Variants in ZBTB1 observed in about 807,000 individuals in gnomAD.
ZBTB1 encodes zinc finger and BTB domain-containing protein 1.
In ZBTB1, 13 loss-of-function variants were observed where a neutral mutation model predicts 51.6. The observed-to-expected ratio is 0.25, with a 90% CI of 0.16 to 0.40. The LOEUF is 0.40. ZBTB1 is among the 10% of genes least tolerant of loss of function. The pLI, the probability that ZBTB1 is intolerant of heterozygous loss-of-function variation, is 1.00. For synonymous variants in ZBTB1, 240 were observed against 282.2 expected (o/e 0.85, Z 1.50); for missense variants, 567 against 856.5 (o/e 0.66, Z 4.22).
chr14:64,530,859 T>C (rs926357213), intron 2 of ZBTB1, among the ~76,000 whole-genome samples: 1 of 149,190 alleles, frequency 6.7e-6, no homozygotes, highest in Admixed American at 6.7e-5. Context: ...CCAAAAAAGA[T>C]AGTATGAAGA....
intron 1 of ZBTB1, among the ~76,000 whole-genome samples, chr14:64,511,789 A>G (rs1198828131): frequency 6.6e-6 from 1 of 152,258 alleles, no homozygotes; most frequent in Non-Finnish European, 1.5e-5. Flanking sequence ...TAACAGTCTG[A>G]GGCCATTTTG....
chr14:64,505,755 G>C (rs945823107), intron 1 of ZBTB1, among the ~76,000 whole-genome samples: 3 of 152,202 alleles, frequency 2.0e-5, no homozygotes, highest in Admixed American at 6.5e-5. Flanking sequence ...GAAAATCCTT[G>C]ACGTTTTCTG....
chr14:64,527,628 C>T (rs1413290586), downstream of ZBTB1, among the ~76,000 whole-genome samples: 1 of 151,762 alleles, frequency 6.6e-6, no homozygotes, highest in African/African-American at 2.4e-5. Flanking sequence ...AAAAATTAGC[C>T]AGGCGTGGTG....
Position 64,519,988 on chromosome 14 carries a change from GT to G in ZBTB1, c.-18-1497del, listed in dbSNP as rs1211409502. ...TGCCATTTCTATATAATCTAATAAG[GT>G]TGTTGTTGTTGTTGTTGTTGTTGTT... On this transcript the variant is annotated intron_variant, in intron 1 of 1. Coordinates refer to ENST00000683701, the MANE Select transcript of ZBTB1 (RefSeq NM_001123329.2). 1.2e-3 allele frequency among the ~76,000 whole-genome samples: 26 copies of G among 21,108 alleles called. No individual in the cohort carries two copies. In the East Asian group the frequency reaches 0.029, roughly 24 times the overall value. The allele number at this position is 21,108 out of a possible 152,430, so 13.8% of individuals were successfully genotyped here. A position where few individuals can be genotyped will look rare whatever the true frequency, so the allele number is the denominator to read the frequency against.
At chr14:64,518,723 C>T (rs1372240618) in intron 1 of ZBTB1, among the ~76,000 whole-genome samples, 7 of 151,620 alleles carry the variant, frequency 4.6e-5, no homozygotes, top group Admixed American at 6.6e-5. Context: ...TTTATGTATA[C>T]GGATTAAAAA....
chr14:64,519,428 G>A (rs1281507671), intron 1 of ZBTB1, among the ~76,000 whole-genome samples: 4 of 148,752 alleles, frequency 2.7e-5, no homozygotes, highest in Non-Finnish European at 5.9e-5. Context: ...ATGAGCCACC[G>A]CGCTCAGCCT....
Position 64,523,537 on chromosome 14 carries a change from A to C in ZBTB1, c.2033A>C (p.Glu678Ala). The C allele has an allele frequency of 6.3e-7, 1 of 1,580,418 alleles. No homozygotes were observed. The highest frequency in any genetic ancestry group is 8.6e-7 in the Non-Finnish European group (1 of 1,162,500). The change falls in exon 2 of 2, where the codon GAG becomes GCG. Residue 678 changes from glutamate (E) to alanine (A), a missense_variant. Physicochemically the swap from Glu to Ala is moderately radical, Grantham distance 107 (BLOSUM62 -1). Around this residue, in one of 5 missense-constraint regions of ZBTB1, gnomAD observed 69 missense variants for 171.8 expected, o/e 0.40. Transcript: ENST00000683701. The surrounding 1 kb of genome is among the most constrained non-coding windows in gnomAD (Gnocchi z 4.5). ...FQIFPNNEQLEQHMDVHLYTC... is the reference protein window; with the variant it reads ...FQIFPNNEQLAQHMDVHLYTC... ...ATATTCCCAAATAATGAACAGTTGGAGCAGCACATGGATGTTCATCTGTAT... is the reference window on the plus strand; with the variant it reads ...ATATTCCCAAATAATGAACAGTTGGCGCAGCACATGGATGTTCATCTGTAT...
At chr14:64,521,058 TCA>T (rs2079855403) in intron 1 of ZBTB1, among the ~76,000 whole-genome samples, 1 of 152,192 alleles carries the variant, frequency 6.6e-6, no homozygotes, top group Admixed American at 6.5e-5. Flanking sequence ...AGAAGAGGTC[TCA>T]CACTATTGCC....
intron 1 of ZBTB1, among the ~76,000 whole-genome samples, chr14:64,508,637 AC>A (rs2079691393): frequency 6.6e-6 from 1 of 152,150 alleles, no homozygotes. Context: ...CAGCCACTGA[AC>A]CTGTTTCTTC....
In ZBTB1 at chr14:64,521,699, C is replaced by T; in HGVS notation, c.195C>T (p.Leu65=). Residue 65 remains leucine, a synonymous_variant, in exon 2 of 2, where the codon CTC becomes CTT. Transcript: ENST00000683701. ...NHQHSTAQLN[L]SNMKISAECF... ...AGCATAGTACTGCACAACTGAATCT[C>T]AGCAACATGAAAATTAGTGCAGAAT... The T allele has an allele frequency of 6.2e-7, 1 of 1,614,080 alleles. No individual in the cohort carries two copies. The highest frequency in any genetic ancestry group is 8.5e-7 in the Non-Finnish European group (1 of 1,180,032).
chr14:64,519,630 A>G (rs1366075248), intron 1 of ZBTB1, among the ~76,000 whole-genome samples: 1 of 151,570 alleles, frequency 6.6e-6, no homozygotes, highest in East Asian at 2.0e-4. Flanking sequence ...AAACAAAAAA[A>G]AACTGAATGT....
chr14:64,519,261 G>A (rs1045855525), intron 1 of ZBTB1, among the ~76,000 whole-genome samples: 2 of 149,748 alleles, frequency 1.3e-5, no homozygotes, highest in African/African-American at 4.9e-5. Context: ...CGATTCTCCC[G>A]CCTCAGCCTC....
intron 1 of ZBTB1, among the ~76,000 whole-genome samples, chr14:64,512,671 C>T (rs1461187540): frequency 6.6e-6 from 1 of 152,184 alleles, no homozygotes; most frequent in Non-Finnish European, 1.5e-5. Flanking sequence ...AATTTGGAGT[C>T]TAATGCACAG....
chr14:64,523,412 T>C lies in ZBTB1; in HGVS notation c.1908T>C (p.Cys636=), dbSNP rs777888729. ...DMHKGMARYV[C]SICDQGNFRK... ...ACAAAGGCATGGCCAGGTATGTCTGTTCCATTTGTGATCAAGGAAACTTCA... is the reference window on the plus strand; with the variant it reads ...ACAAAGGCATGGCCAGGTATGTCTGCTCCATTTGTGATCAAGGAAACTTCA... Residue 636 remains cysteine, a synonymous_variant, in exon 2 of 2, where the codon TGT becomes TGC. Transcript: ENST00000683701. The surrounding 1 kb of genome is among the most constrained non-coding windows in gnomAD (Gnocchi z 4.5). The C allele has an allele frequency of 6.2e-7, 1 of 1,614,228 alleles. No individual in the cohort carries two copies.
intron 1 of ZBTB1, among the ~76,000 whole-genome samples, chr14:64,520,386 C>T (rs183002695): frequency 6.6e-6 from 1 of 152,162 alleles, no homozygotes; most frequent in East Asian, 1.9e-4. Context: ...GTGATCATGG[C>T]TCACCACAAC....
chr14:64,520,605 C>T (rs2079850487), intron 1 of ZBTB1, among the ~76,000 whole-genome samples: 1 of 152,080 alleles, frequency 6.6e-6, no homozygotes, highest in South Asian at 2.1e-4. Flanking sequence ...CTATTGCTCC[C>T]CACACCCACC....
intron 1 of ZBTB1, among the ~76,000 whole-genome samples, chr14:64,517,782 T>TATATATATATA (rs1491377695): frequency 5.7e-5 from 2 of 34,812 alleles, no homozygotes; most frequent in South Asian, 9.1e-4. Flanking sequence ...TATATATATA[T>TATATATATATA]TTTTTTTTTT....
At chr14:64,504,352 T>G (rs1013197727), upstream of ZBTB1, 4 of 144,476 alleles carry the variant, frequency 2.8e-5, no homozygotes, top group African/African-American at 4.9e-5. Flanking sequence ...ACGGCCCAGC[T>G]GCTGGGCCCA....
At chr14:64,531,808 C>T in intron 2 of ZBTB1, 1 of 1,604,132 alleles carries the variant, frequency 6.2e-7, no homozygotes, top group East Asian at 2.2e-5. Flanking sequence ...TCTTGTAGAG[C>T]AGTCAACTTG....
Sources: gnomAD v4.1 joint callset for allele counts (sites outside exome capture counted in the v4.1 genomes callset) on GRCh38, gnomAD v4.1.1 for gene constraint, gnomAD v4.1.1 regional missense constraint, Gnocchi (gnomAD v3.1) non-coding constraint, MANE v1.5 for transcripts, NCBI Gene and HGNC (gene_info 2026-07-23, HGNC 2026-07-21) for gene names.